Variants in GSTCD observed in about 807,000 individuals in gnomAD.
GSTCD encodes glutathione S-transferase C-terminal domain containing.
A neutral mutation model predicts 68.3 loss-of-function variants in GSTCD; 44 were observed. That is an observed-to-expected ratio of 0.64 (90% CI 0.51 to 0.83). GSTCD has a LOEUF of 0.83. Among genes scored for constraint, GSTCD ranks in the 40% least tolerant of loss-of-function variants. The pLI, the probability that GSTCD is intolerant of heterozygous loss-of-function variation, is 0.00. For synonymous variants in GSTCD, 273 were observed against 255.2 expected, an observed-to-expected ratio of 1.07 and a Z score of -0.67; for missense variants, 739 against 735.9, an observed-to-expected ratio of 1.00 and a Z score of -0.05.
chr4:105,724,863 G>C (rs1033022853), intron 3 of GSTCD, among the ~76,000 whole-genome samples: 1 of 151,924 alleles, frequency 6.6e-6, no homozygotes, highest in East Asian at 1.9e-4. Context: ...TATATATTAA[G>C]GATTTTAGGT....
In GSTCD at chr4:105,724,271, T is replaced by G. The variant is rs1467683580; in HGVS notation, c.895-2308T>G. Among the ~76,000 whole-genome samples the G allele has an allele frequency of 2.6e-5, 4 of 151,700 alleles. No individual in the cohort carries two copies. The South Asian group carries it at 8.3e-4, about 31-fold the overall frequency. On this transcript the variant is annotated intron_variant, in intron 3 of 11. Transcript: ENST00000515279. ...AGAACACTCTAAATTTTCAAGAAAA[T>G]AGAATTTGGTGGTAGTGCTAGGGAG...
At chr4:105,717,475 T>G in intron 1 of GSTCD, 118 bp from the exon 2 acceptor site, 1 of 653,028 alleles carries the variant, frequency 1.5e-6, no homozygotes, top group Non-Finnish European at 2.5e-6. Context: ...CTTATAGCAT[T>G]ATTATCTACT....
At chr4:105,734,065 C>T (rs1733358426) in intron 5 of GSTCD, among the ~76,000 whole-genome samples, 1 of 152,238 alleles carries the variant, frequency 6.6e-6, no homozygotes, top group African/African-American at 2.4e-5. Context: ...AGCTGTTAGT[C>T]TGATGGGCTT....
At chr4:105,825,580 C>T in intron 7 of GSTCD, 92 bp from the exon 8 acceptor site, 1 of 727,736 alleles carries the variant, frequency 1.4e-6, no homozygotes, top group South Asian at 2.0e-5. Flanking sequence ...ATACGTTCTA[C>T]ATTATTAAAG....
Position 105,769,233 on chromosome 4 carries a change from G to GATCA in GSTCD, c.1240+39734_1240+39735insATCA, listed in dbSNP as rs139425249. 3.7e-3 allele frequency among the ~76,000 whole-genome samples: 544 copies of GATCA among 146,330 alleles called. 8 individuals carry two copies. The highest frequency in any genetic ancestry group is 0.013 in the African/African-American group (522 of 39,618). On this transcript the variant is annotated intron_variant, in intron 5 of 11. Transcript: ENST00000515279. ...TTTTAAAAATATACTATACACGCGC[G>GATCA]CACACACACACACACACACACACAC...
chr4:105,840,467 A>G, intron 10 of GSTCD: 1 of 236,082 alleles, frequency 4.2e-6, no homozygotes, highest in South Asian at 5.5e-5. Context: ...TAAAAAACCA[A>G]CATTGCCACA....
At chr4:105,837,962 A>G (rs974398009) in intron 10 of GSTCD, 73 bp downstream of exon 10, 5 of 562,626 alleles carry the variant, frequency 8.9e-6, no homozygotes, top group Non-Finnish European at 1.2e-5. Flanking sequence ...TCATATTTCT[A>G]GTGGAGTAAA....
intron 7 of GSTCD, among the ~76,000 whole-genome samples, chr4:105,825,171 C>T (rs958426308): frequency 7.9e-5 from 12 of 151,928 alleles, no homozygotes; most frequent in Middle Eastern, 3.2e-3. Flanking sequence ...CCTGCGATGC[C>T]CAGGCTGGAG....
At position 105,766,887 on chromosome 4, in the gene GSTCD, C is replaced by CTTTTTTTTTTTTTTTTTTTTTTT; in HGVS notation, c.1240+37391_1240+37413dup. ...CAAAAGCATGAATAGGTTTTTGACT[C>CTTTTTTTTTTTTTTTTTTTTTTT]TTTTTTTTTTTTTTTTTTTTTTTTT... is the stretch of plus-strand genomic sequence containing the variant. On this transcript the variant is annotated intron_variant, in intron 5 of 11. Coordinates refer to ENST00000515279, the MANE Select transcript of GSTCD (RefSeq NM_001370181.1). 3.5e-4 allele frequency among the ~76,000 whole-genome samples: 20 copies of CTTTTTTTTTTTTTTTTTTTTTTT among 57,130 alleles called. 2 individuals carry two copies. The highest frequency in any genetic ancestry group is 1.4e-3 in the African/African-American group (18 of 12,438). 37.5% of individuals were successfully genotyped at this position (57,130 alleles called of 152,430 possible).
Position 105,741,254 on chromosome 4 carries a change from G to C in GSTCD, c.1240+11755G>C, listed in dbSNP as rs572417822. ...CTCAGTATGGAAGAAGATCATGTTG[G>C]AGAATTAAGATTTCTGCCCCAAAGA... On this transcript the variant is annotated intron_variant, in intron 5 of 11. Transcript: ENST00000515279. 2.6e-5 allele frequency among the ~76,000 whole-genome samples: 4 copies of C among 152,096 alleles called. No individual in the cohort carries two copies. The South Asian group carries it at 6.2e-4, about 24-fold the overall frequency.
chr4:105,721,374 G>T (rs1732854004), intron 3 of GSTCD, among the ~76,000 whole-genome samples: 1 of 152,164 alleles, frequency 6.6e-6, no homozygotes. Context: ...ACATTGAGGT[G>T]AATGGAGTGG....
chr4:105,730,970 T>C (rs1228558605), intron 5 of GSTCD, among the ~76,000 whole-genome samples: 2 of 152,232 alleles, frequency 1.3e-5, no homozygotes, highest in African/African-American at 4.8e-5. Context: ...GGCTTGCCAG[T>C]TTTCCCAGCA....
chr4:105,818,782 T>C (rs1723133633), intron 5 of GSTCD, among the ~76,000 whole-genome samples: 3 of 151,808 alleles, frequency 2.0e-5, no homozygotes, highest in African/African-American at 2.4e-5. Context: ...GAGAATTTAA[T>C]AGGGGTTCAA....
intron 5 of GSTCD, among the ~76,000 whole-genome samples, chr4:105,803,482 TACTC>T (rs1736184269): frequency 6.6e-6 from 1 of 152,102 alleles, no homozygotes; most frequent in African/African-American, 2.4e-5. Context: ...TTATAATTGA[TACTC>T]ATAAATATGA....
At chr4:105,842,420 G>A (rs922879679) in intron 11 of GSTCD, among the ~76,000 whole-genome samples, 1 of 151,982 alleles carries the variant, frequency 6.6e-6, no homozygotes, top group Non-Finnish European at 1.5e-5. Context: ...CAAACTGCAA[G>A]ATCTATCAAA....
chr4:105,720,999 G>A (rs765484354), intron 3 of GSTCD, among the ~76,000 whole-genome samples: 3 of 150,334 alleles, frequency 2.0e-5, no homozygotes, highest in Non-Finnish European at 4.4e-5. Flanking sequence ...TTGAGATGGA[G>A]TCTCGCTCTG....
intron 5 of GSTCD, among the ~76,000 whole-genome samples, chr4:105,764,004 A>G (rs981238620): frequency 6.6e-6 from 1 of 152,130 alleles, no homozygotes; most frequent in Non-Finnish European, 1.5e-5. Context: ...TTTCTTATAC[A>G]TATTTCCTAA....
chr4:105,754,220 G>GGAGA (rs1425650244), intron 5 of GSTCD, among the ~76,000 whole-genome samples: 1 of 152,016 alleles, frequency 6.6e-6, no homozygotes, highest in Non-Finnish European at 1.5e-5. Flanking sequence ...AACTTACATT[G>GGAGA]GAGAGATACC....
chr4:105,828,345 C>T (rs566955491), intron 8 of GSTCD, among the ~76,000 whole-genome samples: 2 of 152,248 alleles, frequency 1.3e-5, no homozygotes, highest in South Asian at 2.1e-4. Flanking sequence ...TAATTATAGA[C>T]TGTAATTCAG....
Sources: allele counts gnomAD v4.1 joint callset (sites outside exome capture counted in the v4.1 genomes callset), GRCh38; gene constraint gnomAD v4.1.1; transcripts MANE v1.5; gene names NCBI Gene and HGNC (gene_info 2026-07-23, HGNC 2026-07-21).